The following ATXN3 variants were observed in gnomAD, a reference collection of about 807,000 sequenced individuals.
The protein encoded by ATXN3 is ataxin-3.
Under a neutral mutation model 58.2 loss-of-function variants are expected in ATXN3, and 28 were observed. The ratio of observed to expected loss-of-function variants is 0.48; its 90% CI spans 0.36 to 0.66. ATXN3 has a LOEUF of 0.66. Ranked by LOEUF, ATXN3 falls within the 30% of genes least tolerant of loss-of-function variation. The pLI is 0.00. For synonymous variants in ATXN3, 113 were observed against 138.5 expected (o/e 0.82, Z 1.29); for missense variants, 321 against 422.1 (o/e 0.76, Z 2.10).
At position 92,077,812 on chromosome 14, in the gene ATXN3, T is replaced by C. The variant is rs538564457; in HGVS notation, c.872+3153A>G. 4.0e-5 allele frequency among the ~76,000 whole-genome samples: 6 copies of C among 151,564 alleles called. No homozygotes were observed. In the South Asian group the frequency reaches 1.2e-3, roughly 32 times the overall value. ...GGTGTGCACCACCATGCCCAACTAA[T>C]TTTTTTGTATTTTTAGTAGAGACAG... On this transcript the variant is annotated intron_variant, in intron 9 of 10. Coordinates refer to ENST00000644486, the MANE Select transcript of ATXN3 (RefSeq NM_004993.6).
At chr14:92,101,769 A>AATC (rs2066860162) in intron 1 of ATXN3, among the ~76,000 whole-genome samples, 1 of 152,174 alleles carries the variant, frequency 6.6e-6, no homozygotes, top group Non-Finnish European at 1.5e-5. Flanking sequence ...AAGGCAGGAG[A>AATC]ATCACCTGAA....
intron 9 of ATXN3, among the ~76,000 whole-genome samples, chr14:92,072,323 AGGAT>A (rs1408821032): frequency 6.6e-6 from 1 of 152,212 alleles, no homozygotes; most frequent in Non-Finnish European, 1.5e-5. Context: ...ATCTGGGTGA[AGGAT>A]ATAAGGAGCT....
chr14:92,083,056 C>G (rs908990989), intron 7 of ATXN3, 70 bp downstream of exon 7: 2 of 1,520,632 alleles, frequency 1.3e-6, no homozygotes, highest in African/African-American at 1.4e-5. Context: ...CATATTCAAT[C>G]TAAGCATGAA....
chr14:92,066,512 G>T (rs924357032), intron 10 of ATXN3, among the ~76,000 whole-genome samples: 1 of 151,424 alleles, frequency 6.6e-6, no homozygotes, highest in African/African-American at 2.4e-5. Context: ...TTTTAGGGTA[G>T]GTCTCCTGAA....
At chr14:92,106,468 T>TGCCGCGCTCCACGCCCGCC in intron 1 of ATXN3, 61 bp downstream of exon 1, 1 of 1,608,358 alleles carries the variant, frequency 6.2e-7, no homozygotes, top group Non-Finnish European at 8.5e-7. Context: ...GAGGCGGTGA[T>TGCCGCGCTCCACGCCCGCC]GCCGCGCTCC....
intron 10 of ATXN3, among the ~76,000 whole-genome samples, chr14:92,065,605 G>A (rs762720265): frequency 6.6e-5 from 10 of 152,146 alleles, no homozygotes; most frequent in Non-Finnish European, 1.5e-4. Flanking sequence ...TTCCAGGCTG[G>A]GCACAGTGGC....
chr14:92,044,898 G>A (rs2057419157), exon 3 of ATXN3: 1 of 152,116 alleles, frequency 6.6e-6, no homozygotes, highest in Non-Finnish European at 1.5e-5. Flanking sequence ...TAGAGTTTGA[G>A]GGGTCAGGTT....
At chr14:92,050,308 A>G (rs1413586850), upstream of ATXN3, 1 of 152,194 alleles carries the variant, frequency 6.6e-6, no homozygotes, top group Non-Finnish European at 1.5e-5. Context: ...CATATGTTTG[A>G]AATTTTTTAT....
chr14:92,064,403 TCATAG>T lies in ATXN3; in HGVS notation c.998_1002del (p.Ala333GlufsTer2). On this transcript the variant is annotated frameshift_variant, in exon 11 of 11. Transcript: ENST00000644486. LOFTEE classifies it high-confidence loss of function. ...GCTGCCTGAAGCATGTCTTCTTCAC[TCATAG>T]CATCACCTGTTGGGAAACAAAACCA... 1 of 1,610,894 alleles carries T rather than the reference TCATAG, an allele frequency of 6.2e-7. No individual in the cohort carries two copies. Among genetic ancestry groups the T allele is most frequent in the Non-Finnish European group, 8.5e-7 (1 of 1,178,000 alleles).
downstream of ATXN3, among the ~76,000 whole-genome samples, chr14:92,053,912 C>T (rs1294229091): frequency 6.6e-6 from 1 of 152,010 alleles, no homozygotes; most frequent in Non-Finnish European, 1.5e-5. Context: ...ATGTCAGAGG[C>T]CTGTAAACCA....
chr14:92,096,495 G>T, intron 2 of ATXN3, 179 bp downstream of exon 2: 1 of 758,336 alleles, frequency 1.3e-6, no homozygotes, highest in Non-Finnish European at 2.1e-6. Context: ...ATAGTGCCGT[G>T]TGCCTGTAAT....
At position 92,072,530 on chromosome 14, in the gene ATXN3, A is replaced by G. The variant is rs2059611528; in HGVS notation, c.873-1477T>C. ...AATGCTTAACTGGTAAGTATAGTGC[A>G]AATATTCACAAATCCTAAAAAACCC... On this transcript the variant is annotated intron_variant, in intron 9 of 10. Transcript: ENST00000644486. 2.6e-5 allele frequency among the ~76,000 whole-genome samples: 4 copies of G among 152,146 alleles called. 1 individual carries two copies. Among genetic ancestry groups the G allele is most frequent in the Admixed American group, 2.6e-4 (4 of 15,268 alleles).
At chr14:92,048,821 C>T (rs958900526) in intron 1 of ATXN3, among the ~76,000 whole-genome samples, 4 of 151,914 alleles carry the variant, frequency 2.6e-5, no homozygotes, top group African/African-American at 9.7e-5. Context: ...GGGGAGAGGT[C>T]AGATGAGTCC....
chr14:92,081,686 G>A (rs895820227), intron 8 of ATXN3, among the ~76,000 whole-genome samples: 15 of 151,956 alleles, frequency 9.9e-5, no homozygotes, highest in Admixed American at 9.8e-4. Flanking sequence ...GAAATCAACT[G>A]ATAAATAATT....
intron 6 of ATXN3, among the ~76,000 whole-genome samples, chr14:92,084,833 G>T (rs2062088252): frequency 6.6e-6 from 1 of 152,006 alleles, no homozygotes; most frequent in Non-Finnish European, 1.5e-5. Flanking sequence ...GCCCACCTCG[G>T]CCTCCCAAAG....
chr14:92,096,893 G>GT, intron 1 of ATXN3, 55 bp from the exon 2 acceptor site: 1 of 1,429,150 alleles, frequency 7.0e-7, no homozygotes, highest in African/African-American at 1.4e-5. Context: ...GAATTGTATA[G>GT]TATCTTCCCC....
rs1371820064 is a variant in ATXN3, at chr14:92,063,476, A to C, written c.*844T>G. ...TCCTAGTTTTCTCAATTGGAGAAGA[A>C]AGGAAAAAATAAGGCGCAGGAAGAA... On this transcript the variant is annotated 3_prime_UTR_variant, in exon 11 of 11. Coordinates refer to ENST00000644486, the MANE Select transcript of ATXN3 (RefSeq NM_004993.6). The C allele has an allele frequency of 6.6e-6, 1 of 152,218 alleles. No individual in the cohort carries two copies. The highest frequency in any genetic ancestry group is 1.5e-5 in the Non-Finnish European group (1 of 68,026). 9.4% of individuals were successfully genotyped at this position (152,218 alleles called of 1,614,324 possible). A position where few individuals can be genotyped will look rare whatever the true frequency, so the allele number is the denominator to read the frequency against.
chr14:92,097,152 G>A lies in ATXN3; in HGVS notation c.25-314C>T, dbSNP rs538660492. On this transcript the variant is annotated intron_variant, in intron 1 of 10. Coordinates refer to ENST00000644486, the MANE Select transcript of ATXN3 (RefSeq NM_004993.6). Reference sequence around the variant, plus strand: ...TCTTGATCTCCTGACCTCGTGATCCGCCCGCCTTGGCCTCCCAAAGTGCTG... The same window carrying A: ...TCTTGATCTCCTGACCTCGTGATCCACCCGCCTTGGCCTCCCAAAGTGCTG... Among the ~76,000 whole-genome samples the A allele has an allele frequency of 3.5e-4, 53 of 151,882 alleles. 1 individual carries two copies. In the East Asian group the frequency reaches 7.2e-3, roughly 21 times the overall value.
rs1423377657 is a variant in ATXN3, at chr14:92,061,761, A to G, written c.*2559T>C. 1 of 152,210 alleles carries G rather than the reference A, an allele frequency of 6.6e-6. No homozygotes were observed. Among genetic ancestry groups the G allele is most frequent in the Non-Finnish European group, 1.5e-5 (1 of 68,044 alleles). 9.4% of individuals were successfully genotyped at this position (152,210 alleles called of 1,614,324 possible). ...AATAATTTTTAACTTTTTTGATACTATGGTTACTTGCACTGGCATCTTTTC... is the reference window on the plus strand; with the variant it reads ...AATAATTTTTAACTTTTTTGATACTGTGGTTACTTGCACTGGCATCTTTTC... On this transcript the variant is annotated 3_prime_UTR_variant, in exon 11 of 11. Transcript: ENST00000644486.
Sources: allele counts gnomAD v4.1 joint callset (sites outside exome capture counted in the v4.1 genomes callset), GRCh38; gene constraint gnomAD v4.1.1; transcripts MANE v1.5; gene names NCBI Gene and HGNC (gene_info 2026-07-23, HGNC 2026-07-21).